Variants in COG2 observed in about 807,000 individuals in gnomAD.
The protein encoded by COG2 is conserved oligomeric Golgi complex subunit 2.
COG2 carries 52 observed loss-of-function variants against 90.6 expected under a neutral mutation model. That is an observed-to-expected ratio of 0.57 (90% CI 0.46 to 0.72). COG2 has a LOEUF of 0.72. COG2 is among the 30% of genes least tolerant of loss of function. The pLI, the probability that COG2 is intolerant of heterozygous loss-of-function variation, is 0.00. For missense variants in COG2, 829 were observed against 891.2 expected (o/e 0.93, Z 0.89); for synonymous variants, 337 against 320.4 (o/e 1.05, Z -0.55).
chr1:230,692,564 G>A (rs903526180), intron 17 of COG2, among the ~76,000 whole-genome samples: 3 of 152,228 alleles, frequency 2.0e-5, no homozygotes, highest in African/African-American at 4.8e-5. Flanking sequence ...TTATAGAAAC[G>A]TGAAGAGCCA....
chr1:230,677,414 T>G (rs1184944622), intron 9 of COG2, among the ~76,000 whole-genome samples: 1 of 152,202 alleles, frequency 6.6e-6, no homozygotes, highest in East Asian at 1.9e-4. Context: ...GACAACACAT[T>G]GGGAGGTTTA....
rs140577604 is a variant in COG2 at position 230,677,778 on chromosome 1, T to C, written c.1027-1135T>C. On this transcript the variant is annotated intron_variant, in intron 9 of 17. Coordinates refer to ENST00000366669, the MANE Select transcript of COG2 (RefSeq NM_007357.3). ...ATACTTAACATTTGTGAGTATAGTTTCCAGCAGATAGTATCCATTTATTTC... is the reference window on the plus strand; with the variant it reads ...ATACTTAACATTTGTGAGTATAGTTCCCAGCAGATAGTATCCATTTATTTC... Among the ~76,000 whole-genome samples, 133 of 152,366 alleles carry C rather than the reference T, an allele frequency of 8.7e-4. 3 individuals are homozygous for C. In the East Asian group the frequency reaches 0.019, roughly 22 times the overall value.
chr1:230,642,692 C>T lies in COG2; in HGVS notation c.72+14C>T. 6.2e-7 allele frequency: 1 copy of T among 1,609,942 alleles called. No homozygotes were observed. Among genetic ancestry groups the T allele is most frequent in the East Asian group, 2.2e-5 (1 of 44,630 alleles). Reference sequence around the variant, plus strand: ...GAGTTCATGAAGGTGCGCGCGGCGTCCGCTCCCCGGAGCCGGGCCATGAGG... The same window carrying T: ...GAGTTCATGAAGGTGCGCGCGGCGTTCGCTCCCCGGAGCCGGGCCATGAGG... On this transcript the variant is annotated intron_variant, in intron 1 of 17. Coordinates refer to ENST00000366669, the MANE Select transcript of COG2 (RefSeq NM_007357.3).
intron 1 of COG2, among the ~76,000 whole-genome samples, chr1:230,656,178 A>G (rs72759026): frequency 0.1 from 15,515 of 151,724 alleles, 955 homozygotes; most frequent in Non-Finnish European, 0.14. Flanking sequence ...TTGCTTCTCC[A>G]GTTCTTTTAA....
rs1553310383 is a variant in COG2 at position 230,669,337 on chromosome 1, TACCCACC to T, written c.595-18_595-12del. Reference sequence around the variant, plus strand: ...TTACAACTAGAGCTTTTTTTTTATTTACCCACCTTTTCTTGCAGCGTATAGCTGGCAT... The same window carrying T: ...TTACAACTAGAGCTTTTTTTTTATTTTTTTCTTGCAGCGTATAGCTGGCAT... On this transcript the variant is annotated splice_polypyrimidine_tract_variant and intron_variant, in intron 6 of 17. Transcript: ENST00000366669. The T allele has an allele frequency of 6.3e-7, 1 of 1,587,214 alleles. No individual in the cohort carries two copies. The highest frequency in any genetic ancestry group is 1.8e-5 in the Admixed American group (1 of 55,728).
At chr1:230,650,700 C>T (rs1342478555) in intron 1 of COG2, among the ~76,000 whole-genome samples, 2 of 151,992 alleles carry the variant, frequency 1.3e-5, no homozygotes, top group Non-Finnish European at 1.5e-5. Flanking sequence ...TTTGGTTTAA[C>T]GAAGTCTCAT....
chr1:230,642,658 G>A lies in COG2; in HGVS notation c.52G>A (p.Asp18Asn). 6.2e-7 allele frequency: 1 copy of A among 1,613,016 alleles called. No homozygotes were observed. Among genetic ancestry groups the A allele is most frequent in the Non-Finnish European group, 8.5e-7 (1 of 1,179,602 alleles). The change falls in exon 1 of 18, where the codon GAC (aspartate) becomes AAC (asparagine). Residue 18 changes from aspartate (D) to asparagine (N), a missense_variant. Physicochemically the swap from Asp to Asn is conservative, Grantham distance 23. Coordinates refer to ENST00000366669, the MANE Select transcript of COG2 (RefSeq NM_007357.3). The stretch of plus-strand genomic sequence containing the variant: ...CAAGGGGCCGGACACGCTCTGCTTC[G>A]ACAAGGACGAGTTCATGAAGGTGCG... ...LPKGPDTLCF[D>N]KDEFMKEDFD...
chr1:230,642,517 C>A lies in COG2; in HGVS notation c.-90C>A. 7.5e-7 allele frequency: 1 copy of A among 1,330,970 alleles called. No individual in the cohort carries two copies. The highest frequency in any genetic ancestry group is 1.1e-6 in the Non-Finnish European group (1 of 951,994). The allele number at this position is 1,330,970 out of a possible 1,614,324, so 82.4% of individuals were successfully genotyped here. A position where few individuals can be genotyped will look rare whatever the true frequency, so the allele number is the denominator to read the frequency against. On this transcript the variant is annotated 5_prime_UTR_variant, in exon 1 of 18. It adds an upstream start codon to the 5' untranslated region. Transcript: ENST00000366669. ...AGCGGACCCCCCTGTGCCGTGGAAA[C>A]TGGCGGTGGCCGCGGCCGCCGAGTC...
chr1:230,686,077 G>A (rs1239719425), intron 12 of COG2, among the ~76,000 whole-genome samples: 2 of 152,084 alleles, frequency 1.3e-5, no homozygotes, highest in Non-Finnish European at 2.9e-5. Flanking sequence ...TCAAACGTTG[G>A]CTCTTTAACT....
intron 13 of COG2, chr1:230,687,862 A>AT: frequency 1.9e-6 from 1 of 521,296 alleles, no homozygotes; most frequent in African/African-American, 2.0e-5. Context: ...GTTAATAGCC[A>AT]TTAAACCATG....
chr1:230,693,225 C>T, intron 17 of COG2, 67 bp from the exon 18 acceptor site: 2 of 942,310 alleles, frequency 2.1e-6, no homozygotes, highest in South Asian at 1.4e-5. Flanking sequence ...GATTTTCTTT[C>T]TTTTTTTTCC....
intron 1 of COG2, among the ~76,000 whole-genome samples, chr1:230,646,228 A>G (rs1343076569): frequency 6.6e-6 from 1 of 151,208 alleles, no homozygotes; most frequent in African/African-American, 2.4e-5. Flanking sequence ...CTCTCCCTTC[A>G]CTCTTAAATT....
At chr1:230,687,219 C>A in intron 13 of COG2, 87 bp downstream of exon 13, 2 of 1,136,186 alleles carry the variant, frequency 1.8e-6, no homozygotes, top group Non-Finnish European at 1.2e-6. Flanking sequence ...CACCACTGGG[C>A]CTTACGGGGC....
At chr1:230,669,278 C>A in intron 6 of COG2, 78 bp from the exon 7 acceptor site, 1 of 1,328,362 alleles carries the variant, frequency 7.5e-7, no homozygotes, top group Non-Finnish European at 1.0e-6. Context: ...GTGTAAGAGG[C>A]TTGTTATATA....
chr1:230,685,262 C>T, intron 12 of COG2, 26 bp downstream of exon 12: 1 of 1,612,536 alleles, frequency 6.2e-7, no homozygotes, highest in Admixed American at 1.7e-5. Context: ...GGAGCTCATC[C>T]ATAATCAATA....
intron 4 of COG2, among the ~76,000 whole-genome samples, chr1:230,663,596 C>T (rs1479175443): frequency 6.6e-6 from 1 of 152,072 alleles, no homozygotes; most frequent in Non-Finnish European, 1.5e-5. Flanking sequence ...GGGATTTTTG[C>T]CTGTTTTATC....
At chr1:230,666,677 T>C (rs1662329586) in intron 5 of COG2, among the ~76,000 whole-genome samples, 1 of 152,186 alleles carries the variant, frequency 6.6e-6, no homozygotes, top group Non-Finnish European at 1.5e-5. Flanking sequence ...TCCTTAATTT[T>C]ACTATGTATG....
At position 230,678,897 on chromosome 1, in the gene COG2, T is replaced by C. The variant is rs1486692521; in HGVS notation, c.1027-16T>C. On this transcript the variant is annotated splice_polypyrimidine_tract_variant and intron_variant, in intron 9 of 17. Coordinates refer to ENST00000366669, the MANE Select transcript of COG2 (RefSeq NM_007357.3). ...AGTGTTCTAATAATGAAAATTTTCCTTTTGTTTTATTTTAGAAATATACCA... is the reference window on the plus strand; with the variant it reads ...AGTGTTCTAATAATGAAAATTTTCCCTTTGTTTTATTTTAGAAATATACCA... 1 of 1,605,228 alleles carries C rather than the reference T, an allele frequency of 6.2e-7. No individual in the cohort carries two copies. Among genetic ancestry groups the C allele is most frequent in the Non-Finnish European group, 8.5e-7 (1 of 1,175,820 alleles).
chr1:230,692,935 G>A (rs769813673), intron 17 of COG2, among the ~76,000 whole-genome samples: 13 of 152,014 alleles, frequency 8.6e-5, no homozygotes, highest in Admixed American at 1.3e-4. Flanking sequence ...GAAACTAAGA[G>A]CACAGACCAG....
Sources: gnomAD v4.1 joint callset for allele counts (sites outside exome capture counted in the v4.1 genomes callset) on GRCh38, gnomAD v4.1.1 for gene constraint, MANE v1.5 for transcripts, NCBI Gene and HGNC (gene_info 2026-07-23, HGNC 2026-07-21) for gene names.